The following AASDH variants were observed in gnomAD, a reference collection of about 807,000 sequenced individuals.
The protein encoded by AASDH is beta-alanine-activating enzyme.
AASDH carries 81 observed loss-of-function variants against 102.3 expected under a neutral mutation model. The ratio of observed to expected loss-of-function variants is 0.79; its 90% CI spans 0.66 to 0.95. The LOEUF is 0.95. Ranked by LOEUF, AASDH falls within the 40% of genes least tolerant of loss-of-function variation. The pLI is 0.00. For missense variants in AASDH, 1,203 were observed against 1,266.2 expected (o/e 0.95, Z 0.76); for synonymous variants, 398 against 454.0 (o/e 0.88, Z 1.57).
intron 5 of AASDH, among the ~76,000 whole-genome samples, chr4:56,363,645 A>G (rs1052688423): frequency 3.2e-4 from 49 of 152,166 alleles, no homozygotes; most frequent in Non-Finnish European, 6.8e-4. Context: ...ACTCTAACAG[A>G]CCTGCAGCTG....
At position 56,371,616 on chromosome 4, in the gene AASDH, A is replaced by G. The variant is rs769608506; in HGVS notation, c.696T>C (p.Asp232=). The G allele has an allele frequency of 6.2e-7, 1 of 1,607,512 alleles. No individual in the cohort carries two copies. Among genetic ancestry groups the G allele is most frequent in the South Asian group, 1.1e-5 (1 of 88,982 alleles). The part of the protein sequence containing the change: ...FRVLFDITQE[D]VLFLASPLTF... ...TCAGAGGTGAAGCCAGAAACAAAAC[A>G]TCTTCTTGTGTGATGTCAAAAAGTA... The change falls in exon 5 of 15, where the codon GAT becomes GAC. Residue 232 remains aspartate, a synonymous_variant. Transcript: ENST00000205214.
chr4:56,358,591 T>C (rs1187609022), intron 5 of AASDH, among the ~76,000 whole-genome samples: 3 of 151,928 alleles, frequency 2.0e-5, no homozygotes, highest in Non-Finnish European at 4.4e-5. Context: ...ATCCTTTCTC[T>C]GCATCCATTA....
intron 4 of AASDH, 131 bp downstream of exon 4, chr4:56,378,017 G>T: frequency 1.2e-6 from 1 of 843,382 alleles, no homozygotes; most frequent in Non-Finnish European, 1.8e-6. Context: ...TGTTGGCCAG[G>T]CTGATCTTGA....
rs760750290 is a variant in AASDH, at chr4:56,345,290, C to T, written c.2489G>A (p.Gly830Asp). 38 of 1,610,778 alleles carry T rather than the reference C, an allele frequency of 2.4e-5. No homozygotes were observed. The highest frequency in any genetic ancestry group is 3.0e-5 in the Non-Finnish European group (35 of 1,177,384). ...AACATAAACTAATCCATTATAACAG[C>T]CTACCAAGAAACAAAGCACAAAAGA... is the stretch of plus-strand genomic sequence containing the variant. ...VSKCGNFIVV[G>D]CYNGLVYVLK... The change falls in exon 12 of 15, where the codon GGC becomes GAC. Residue 830 changes from glycine (G) to aspartate (D), a missense_variant and splice_region_variant. Coordinates refer to ENST00000205214, the MANE Select transcript of AASDH (RefSeq NM_181806.4).
Position 56,382,585 on chromosome 4 carries a change from G to A in AASDH, c.243C>T (p.Val81=), listed in dbSNP as rs1359716298. 1.2e-6 allele frequency: 2 copies of A among 1,607,032 alleles called. No homozygotes were observed. The part of the protein sequence containing the change: ...LPSWILGILQ[V]PAAYVPIEPD... ...GCTCGATAGGTACATAAGCAGCCGG[G>A]ACTTGGAGAATTCTAAAGAAAAAAG... is the stretch of plus-strand genomic sequence containing the variant. Residue 81 remains valine (V), a synonymous_variant, in exon 3 of 15, where the codon GTC becomes GTT. Transcript: ENST00000205214.
chr4:56,343,010 C>G, intron 13 of AASDH, 44 bp from the exon 14 acceptor site: 1 of 1,496,780 alleles, frequency 6.7e-7, no homozygotes, highest in Non-Finnish European at 8.9e-7. Flanking sequence ...TGTCATCCTA[C>G]TAATCAGTTA....
In AASDH at chr4:56,371,621, C is replaced by T. The variant is rs748148485; in HGVS notation, c.691G>A (p.Glu231Lys). Residue 231 changes from glutamate (E) to lysine (K), a missense_variant, in exon 5 of 15, where the codon GAA becomes AAA. Coordinates refer to ENST00000205214, the MANE Select transcript of AASDH (RefSeq NM_181806.4). Reference sequence around the variant, plus strand: ...GGTGAAGCCAGAAACAAAACATCTTCTTGTGTGATGTCAAAAAGTACCCTA... The same window carrying T: ...GGTGAAGCCAGAAACAAAACATCTTTTTGTGTGATGTCAAAAAGTACCCTA... ...HFRVLFDITQ[E>K]DVLFLASPLT... 6.2e-6 allele frequency: 10 copies of T among 1,604,670 alleles called. 1 individual carries two copies. The South Asian group carries it at 1.0e-4, about 16-fold the overall frequency.
At chr4:56,376,927 C>A (rs1471682683) in intron 4 of AASDH, among the ~76,000 whole-genome samples, 7 of 150,574 alleles carry the variant, frequency 4.6e-5, no homozygotes, top group Admixed American at 1.3e-4. Flanking sequence ...ATTAGCCGGG[C>A]GTAGTGGCGG....
At chr4:56,385,764 A>C (rs1753476386) in intron 1 of AASDH, among the ~76,000 whole-genome samples, 1 of 150,316 alleles carries the variant, frequency 6.7e-6, no homozygotes, top group Non-Finnish European at 1.5e-5. Context: ...TGTCCAACTA[A>C]TTTTTGTTTT....
rs765274932 is a variant in AASDH at position 56,338,604 on chromosome 4, C to T, written c.3095G>A (p.Gly1032Asp). Reference sequence around the variant, plus strand: ...TGCTGCCAGCAACATTTCATTGCTGCCATTGTAGTTATGGAAAGCAAACGG... The same window carrying T: ...TGCTGCCAGCAACATTTCATTGCTGTCATTGTAGTTATGGAAAGCAAACGG... ...ATPFAFHNYN[G>D]SNEMLLAAAS... The change falls in exon 15 of 15, where the codon GGC (glycine) becomes GAC (aspartate). Residue 1032 changes from glycine (G) to aspartate (D), a missense_variant. Transcript: ENST00000205214. 8.7e-6 allele frequency: 14 copies of T among 1,614,176 alleles called. No homozygotes were observed. In the Admixed American group the frequency reaches 2.2e-4, roughly 25 times the overall value.
chr4:56,345,647 A>C (rs1560567196), intron 11 of AASDH, among the ~76,000 whole-genome samples: 1 of 152,160 alleles, frequency 6.6e-6, no homozygotes, highest in Non-Finnish European at 1.5e-5. Flanking sequence ...CATTTAAATC[A>C]CCCAGTGTTG....
Position 56,382,552 on chromosome 4 carries a change from T to C in AASDH, c.276A>G (p.Ser92=). 6.2e-7 allele frequency: 1 copy of C among 1,611,748 alleles called. No homozygotes were observed. Among genetic ancestry groups the C allele is most frequent in the Admixed American group, 1.7e-5 (1 of 59,772 alleles). ...PAAYVPIEPD[S]PPSLSTHFMK... ...TAAAATGAGTTGATAATGACGGTGG[T>C]GAATCTGGCTCGATAGGTACATAAG... is the stretch of plus-strand genomic sequence containing the variant. Residue 92 remains serine (S), a synonymous_variant, in exon 3 of 15, where the codon TCA becomes TCG. Coordinates refer to ENST00000205214, the MANE Select transcript of AASDH (RefSeq NM_181806.4).
chr4:56,375,436 A>G lies in AASDH; in HGVS notation c.668+2712T>C, dbSNP rs1158630257. Among the ~76,000 whole-genome samples the G allele has an allele frequency of 2.0e-5, 3 of 152,320 alleles. No individual in the cohort carries two copies. In the East Asian group the frequency reaches 5.8e-4, roughly 29 times the overall value. On this transcript the variant is annotated intron_variant, in intron 4 of 14. Transcript: ENST00000205214. ...CTACTTTAACATTTCATCTCTTTAG[A>G]ATCTAATTATTTACCACCTCACTTA...
At chr4:56,346,850 G>A (rs1026537650) in intron 11 of AASDH, among the ~76,000 whole-genome samples, 3 of 151,556 alleles carry the variant, frequency 2.0e-5, no homozygotes, top group African/African-American at 7.3e-5. Flanking sequence ...TGAGACCAGC[G>A]TGGACAACAC....
chr4:56,349,758 C>G lies in AASDH; in HGVS notation c.1993G>C (p.Ala665Pro), dbSNP rs777345008. 2 of 1,614,186 alleles carry G rather than the reference C, an allele frequency of 1.2e-6. No individual in the cohort carries two copies. The highest frequency in any genetic ancestry group is 1.7e-6 in the Non-Finnish European group (2 of 1,180,034). The change falls in exon 11 of 15, where the codon GCC (alanine) becomes CCC (proline). Residue 665 changes from alanine (A) to proline (P), a missense_variant. By Grantham distance (27) the Ala-to-Pro change is conservative. Transcript: ENST00000205214. The part of the protein sequence containing the change: ...EASGTSLHQK[A>P]IMTFTCHNEI... The stretch of plus-strand genomic sequence containing the variant: ...TTGTGGCAAGTGAAAGTCATGATGG[C>G]TTTCTGATGTAAAGATGTTCCACTG...
chr4:56,374,683 A>G (rs1389143680), intron 4 of AASDH, among the ~76,000 whole-genome samples: 1 of 152,198 alleles, frequency 6.6e-6, no homozygotes, highest in African/African-American at 2.4e-5. Flanking sequence ...GAACTTAATA[A>G]AATGCAATTC....
intron 6 of AASDH, 88 bp downstream of exon 6, chr4:56,355,094 C>T (rs1749441359): frequency 7.0e-7 from 1 of 1,429,824 alleles, no homozygotes; most frequent in African/African-American, 1.4e-5. Context: ...AAAATTATTA[C>T]CCCAGCACCT....
At chr4:56,365,342 T>C (rs1750860138) in intron 5 of AASDH, among the ~76,000 whole-genome samples, 1 of 150,748 alleles carries the variant, frequency 6.6e-6, no homozygotes, top group Non-Finnish European at 1.5e-5. Flanking sequence ...TATCCAGGAA[T>C]TGAACTCAGC....
intron 5 of AASDH, among the ~76,000 whole-genome samples, chr4:56,359,712 C>T (rs1049519091): frequency 3.9e-5 from 6 of 152,080 alleles, no homozygotes; most frequent in South Asian, 2.1e-4. Flanking sequence ...GCATGCACCA[C>T]CGTGCCCAGC....
Sources: gnomAD v4.1 joint callset for allele counts (sites outside exome capture counted in the v4.1 genomes callset) on GRCh38, gnomAD v4.1.1 for gene constraint, MANE v1.5 for transcripts, NCBI Gene and HGNC (gene_info 2026-07-23, HGNC 2026-07-21) for gene names.